Variants in RNF152 observed in about 807,000 individuals in gnomAD.
The protein encoded by RNF152 is ring finger protein 152.
Under a neutral mutation model 12.7 loss-of-function variants are expected in RNF152, and 11 were observed. The observed-to-expected ratio is 0.86, with a 90% CI of 0.54 to 1.43. RNF152 has a LOEUF of 1.43. RNF152 is among the 40% of genes most tolerant of loss of function. The pLI, the probability that RNF152 is intolerant of heterozygous loss-of-function variation, is 0.00. For synonymous variants in RNF152, 113 were observed against 120.3 expected (o/e 0.94, Z 0.40); for missense variants, 255 against 274.8 (o/e 0.93, Z 0.51).
rs534820802 is a variant in RNF152, at chr18:61,891,446, C to T, written c.-136+1349G>A. On this transcript the variant is annotated intron_variant, in intron 1 of 1. Coordinates refer to ENST00000312828, the MANE Select transcript of RNF152 (RefSeq NM_173557.3). ...TTTATTCTTTCTATTAAAAAAAAAA[C>T]CACACCCTTGTTTCTATTGCATTAT... Among the ~76,000 whole-genome samples the T allele has an allele frequency of 1.4e-4, 21 of 152,100 alleles. 1 individual carries two copies. In the South Asian group the frequency reaches 3.5e-3, roughly 26 times the overall value.
chr18:61,847,136 T>C (rs1599291550), intron 1 of RNF152, among the ~76,000 whole-genome samples: 1 of 151,646 alleles, frequency 6.6e-6, no homozygotes, highest in South Asian at 2.1e-4. Flanking sequence ...AACTGTGACA[T>C]TGCCACCAAG....
chr18:61,890,087 G>A (rs1365932526), intron 1 of RNF152, among the ~76,000 whole-genome samples: 1 of 152,138 alleles, frequency 6.6e-6, no homozygotes, highest in Non-Finnish European at 1.5e-5. Context: ...GGTGGGGGTA[G>A]GACCATATAT....
chr18:61,819,592 A>T (rs965886806), intron 1 of RNF152, among the ~76,000 whole-genome samples: 4 of 152,210 alleles, frequency 2.6e-5, no homozygotes, highest in African/African-American at 7.2e-5. Flanking sequence ...GAAGCCAAAA[A>T]TGAAGCCTTT....
Position 61,820,342 on chromosome 18 carries a change from A to C in RNF152, c.-135-3744T>G, listed in dbSNP as rs1260966137. Among the ~76,000 whole-genome samples the C allele has an allele frequency of 2.4e-3, 355 of 149,180 alleles. 5 individuals are homozygous for C. The highest frequency in any genetic ancestry group is 8.1e-3 in the African/African-American group (334 of 40,990). On this transcript the variant is annotated intron_variant, in intron 1 of 1. Coordinates refer to ENST00000312828, the MANE Select transcript of RNF152 (RefSeq NM_173557.3). Reference sequence around the variant, plus strand: ...AGACTCCGTCTCACCAAAAAAAAAAAAAAAAAAAAAAAAAAAAGAGTAGGA... The same window carrying C: ...AGACTCCGTCTCACCAAAAAAAAAACAAAAAAAAAAAAAAAAAGAGTAGGA...
chr18:61,882,831 A>G (rs1386988761), intron 1 of RNF152, among the ~76,000 whole-genome samples: 1 of 152,168 alleles, frequency 6.6e-6, no homozygotes, highest in Non-Finnish European at 1.5e-5. Context: ...ATCTTTGGAA[A>G]GTAAACACTG....
Position 61,808,183 on chromosome 18 carries a change from A to G in RNF152, c.*7669T>C, listed in dbSNP as rs1167387046. The G allele has an allele frequency of 1.3e-5, 2 of 152,104 alleles. No individual in the cohort carries two copies. Among genetic ancestry groups the G allele is most frequent in the African/African-American group, 4.8e-5 (2 of 41,412 alleles). 9.4% of individuals were successfully genotyped at this position (152,104 alleles called of 1,614,324 possible). A position where few individuals can be genotyped will look rare whatever the true frequency, so the allele number is the denominator to read the frequency against. ...CCAGTTTGGCATACAAAAATACCAT[A>G]TATTAAAATTGGGTTCATTGGAAAA... is the stretch of plus-strand genomic sequence containing the variant. On this transcript the variant is annotated 3_prime_UTR_variant, in exon 2 of 2. Coordinates refer to ENST00000312828, the MANE Select transcript of RNF152 (RefSeq NM_173557.3).
Position 61,858,077 on chromosome 18 carries a change from C to T in RNF152, c.-136+34718G>A, listed in dbSNP as rs141671728. Among the ~76,000 whole-genome samples, 1,165 of 152,314 alleles carry T rather than the reference C, an allele frequency of 7.6e-3. 6 individuals carry two copies. Among genetic ancestry groups the T allele is most frequent in the Middle Eastern group, 0.014 (4 of 294 alleles). Reference sequence around the variant, plus strand: ...ACAATTGTCTGTCCTTCTGAAATCTCCCTCTGCAGCCACATGCAAACCCTC... The same window carrying T: ...ACAATTGTCTGTCCTTCTGAAATCTTCCTCTGCAGCCACATGCAAACCCTC... On this transcript the variant is annotated intron_variant, in intron 1 of 1. Transcript: ENST00000312828.
At position 61,808,852 on chromosome 18, in the gene RNF152, G is replaced by C. The variant is rs919862897; in HGVS notation, c.*7000C>G. The C allele has an allele frequency of 6.6e-6, 1 of 152,212 alleles. No homozygotes were observed. The highest frequency in any genetic ancestry group is 2.1e-4 in the South Asian group (1 of 4,832). The allele number at this position is 152,212 out of a possible 1,614,324, so 9.4% of individuals were successfully genotyped here. On this transcript the variant is annotated 3_prime_UTR_variant, in exon 2 of 2. Coordinates refer to ENST00000312828, the MANE Select transcript of RNF152 (RefSeq NM_173557.3). ...CTGACGTGGCAACCAACTCTAGAGCGGACTCTGAAATTGCCTAGTGTGCTA... is the reference window on the plus strand; with the variant it reads ...CTGACGTGGCAACCAACTCTAGAGCCGACTCTGAAATTGCCTAGTGTGCTA...
intron 1 of RNF152, among the ~76,000 whole-genome samples, chr18:61,846,601 T>G (rs1461422964): frequency 6.6e-6 from 1 of 152,200 alleles, no homozygotes; most frequent in Non-Finnish European, 1.5e-5. Flanking sequence ...CCTGAGTGAT[T>G]CCTTACTAAA....
chr18:61,875,703 T>C (rs779649757), intron 1 of RNF152, among the ~76,000 whole-genome samples: 10 of 152,218 alleles, frequency 6.6e-5, no homozygotes, highest in Non-Finnish European at 1.3e-4. Flanking sequence ...CAGACTTGAA[T>C]ACCTGTGTAT....
At chr18:61,879,738 C>T (rs1455598776) in intron 1 of RNF152, among the ~76,000 whole-genome samples, 2 of 151,932 alleles carry the variant, frequency 1.3e-5, no homozygotes, top group Non-Finnish European at 1.5e-5. Context: ...CTGAGGCAGG[C>T]GAATCACCTG....
chr18:61,875,570 A>G (rs553814253), intron 1 of RNF152, among the ~76,000 whole-genome samples: 1 of 151,488 alleles, frequency 6.6e-6, no homozygotes, highest in East Asian at 1.9e-4. Context: ...GGCGTGGATT[A>G]CCCACGAAGG....
rs114747183 is a variant in RNF152 at position 61,889,141 on chromosome 18, G to A, written c.-136+3654C>T. On this transcript the variant is annotated intron_variant, in intron 1 of 1. Coordinates refer to ENST00000312828, the MANE Select transcript of RNF152 (RefSeq NM_173557.3). Reference sequence around the variant, plus strand: ...GCTGCTCATCTCCCAATTCAGAAACGCTTTGGGTGCTACATCTTATCACTT... The same window carrying A: ...GCTGCTCATCTCCCAATTCAGAAACACTTTGGGTGCTACATCTTATCACTT... 4.6e-5 allele frequency among the ~76,000 whole-genome samples: 7 copies of A among 152,062 alleles called. No homozygotes were observed. In the South Asian group the frequency reaches 6.2e-4, roughly 14 times the overall value.
At chr18:61,846,159 T>A (rs1296666322) in intron 1 of RNF152, among the ~76,000 whole-genome samples, 1 of 152,188 alleles carries the variant, frequency 6.6e-6, no homozygotes, top group Non-Finnish European at 1.5e-5. Context: ...TATGGTATTA[T>A]ATTATAGCAC....
At chr18:61,878,422 T>C (rs1041013837) in intron 1 of RNF152, among the ~76,000 whole-genome samples, 1 of 152,228 alleles carries the variant, frequency 6.6e-6, no homozygotes, top group Non-Finnish European at 1.5e-5. Flanking sequence ...TGCTCAGGTC[T>C]AACATCATTG....
intron 1 of RNF152, among the ~76,000 whole-genome samples, chr18:61,821,098 A>C (rs1909382643): frequency 6.6e-6 from 1 of 152,200 alleles, no homozygotes; most frequent in Non-Finnish European, 1.5e-5. Flanking sequence ...CTGGCTATCA[A>C]AGAGCTGCCA....
intron 1 of RNF152, among the ~76,000 whole-genome samples, chr18:61,871,998 A>G (rs1055971969): frequency 2.0e-5 from 3 of 152,158 alleles, no homozygotes; most frequent in African/African-American, 7.2e-5. Context: ...TAAAGAAAAG[A>G]GGCTTAATTG....
intron 1 of RNF152, among the ~76,000 whole-genome samples, chr18:61,828,911 G>C (rs1194190715): frequency 1.3e-5 from 2 of 152,162 alleles, no homozygotes. Flanking sequence ...CTTCACGCGG[G>C]AGTATCAGGT....
At chr18:61,821,330 A>G (rs1015050080) in intron 1 of RNF152, among the ~76,000 whole-genome samples, 3 of 152,200 alleles carry the variant, frequency 2.0e-5, no homozygotes, top group Non-Finnish European at 4.4e-5. Context: ...CCATTTTGAC[A>G]GCAGCCTCTC....
Sources: gnomAD v4.1 joint callset for allele counts (sites outside exome capture counted in the v4.1 genomes callset) on GRCh38, gnomAD v4.1.1 for gene constraint, MANE v1.5 for transcripts, NCBI Gene and HGNC (gene_info 2026-07-23, HGNC 2026-07-21) for gene names.